Variants in BMPER observed in about 807,000 individuals in gnomAD.
BMPER encodes the protein BMP binding endothelial regulator.
BMPER carries 45 observed loss-of-function variants against 87.3 expected under a neutral mutation model. The ratio of observed to expected loss-of-function variants is 0.52; its 90% CI spans 0.41 to 0.66. The LOEUF (loss-of-function observed/expected upper bound fraction) is 0.66, where lower values mean the gene tolerates loss of function less well. Ranked by LOEUF, BMPER falls within the 30% of genes least tolerant of loss-of-function variation. The pLI, the probability that BMPER is intolerant of heterozygous loss-of-function variation, is 0.00. For synonymous variants in BMPER, 326 were observed against 316.2 expected (o/e 1.03, Z -0.33); for missense variants, 784 against 867.5 (o/e 0.90, Z 1.21).
intron 13 of BMPER, among the ~76,000 whole-genome samples, chr7:34,137,188 CATTAA>C (rs750532521): frequency 9.9e-5 from 15 of 152,074 alleles, no homozygotes; most frequent in Non-Finnish European, 1.0e-4. Flanking sequence ...TTCCACCAGT[CATTAA>C]ATTAAAAAAA....
intron 2 of BMPER, among the ~76,000 whole-genome samples, chr7:33,913,993 G>A (rs1196335986): frequency 2.8e-5 from 4 of 142,280 alleles, no homozygotes; most frequent in East Asian, 4.1e-4. Flanking sequence ...ATGGAGTCTC[G>A]CTCAGTTGCC....
At position 33,941,014 on chromosome 7, in the gene BMPER, ATATTTACATATAAT is replaced by A. The variant is rs1784744966; in HGVS notation, c.319+3628_319+3641del. ...TATTTATATATAATTTATATGTAAT[ATATTTACATATAAT>A]TTATATATTTATATATAATTTATAT... On this transcript the variant is annotated intron_variant, in intron 3 of 14. Coordinates refer to ENST00000649409, the MANE Select transcript of BMPER (RefSeq NM_001365308.1). Among the ~76,000 whole-genome samples, 5 of 135,032 alleles carry A rather than the reference ATATTTACATATAAT, an allele frequency of 3.7e-5. No homozygotes were observed. In the Admixed American group the frequency reaches 4.1e-4, roughly 11 times the overall value. 88.6% of individuals were successfully genotyped at this position (135,032 alleles called of 152,430 possible).
rs145445170 is a variant in BMPER at position 34,149,261 on chromosome 7, T to C, written c.1877-3831T>C. On this transcript the variant is annotated intron_variant, in intron 14 of 14. Coordinates refer to ENST00000649409, the MANE Select transcript of BMPER (RefSeq NM_001365308.1). The stretch of plus-strand genomic sequence containing the variant: ...TAGGGGTGGGCTGAGAAATAAATAT[T>C]TTTTAAAGGCATATCAAGAGACTCT... Among the ~76,000 whole-genome samples, 1,009 of 152,306 alleles carry C rather than the reference T, an allele frequency of 6.6e-3. 8 individuals are homozygous for C. Among genetic ancestry groups the C allele is most frequent in the Non-Finnish European group, 0.011 (768 of 68,018 alleles).
intron 2 of BMPER, among the ~76,000 whole-genome samples, chr7:33,927,629 C>T (rs182765923): frequency 1.1e-4 from 16 of 152,242 alleles, no homozygotes; most frequent in Admixed American, 7.8e-4. Flanking sequence ...TGTCAGGTCT[C>T]GAGCTTTCCT....
At chr7:34,139,640 C>G (rs557523385) in intron 13 of BMPER, among the ~76,000 whole-genome samples, 6 of 152,266 alleles carry the variant, frequency 3.9e-5, no homozygotes, top group African/African-American at 1.4e-4. Context: ...TGGATTTGGT[C>G]GTATCTGTTT....
chr7:33,983,678 T>C (rs1785920923), intron 6 of BMPER, among the ~76,000 whole-genome samples: 1 of 152,214 alleles, frequency 6.6e-6, no homozygotes, highest in African/African-American at 2.4e-5. Context: ...ACTGCCTGAT[T>C]ATAACGCTAC....
rs939508426 is a variant in BMPER, at chr7:33,924,565, G to A, written c.220-12724G>A. 2.0e-5 allele frequency among the ~76,000 whole-genome samples: 3 copies of A among 152,332 alleles called. No homozygotes were observed. The East Asian group carries it at 5.8e-4, about 29-fold the overall frequency. On this transcript the variant is annotated intron_variant, in intron 2 of 14. Coordinates refer to ENST00000649409, the MANE Select transcript of BMPER (RefSeq NM_001365308.1). Reference sequence around the variant, plus strand: ...CCACTGGAGCTTTGCTCTTTCCAGTGCCTGGAGCACACATATCCAATATAT... The same window carrying A: ...CCACTGGAGCTTTGCTCTTTCCAGTACCTGGAGCACACATATCCAATATAT...
intron 12 of BMPER, among the ~76,000 whole-genome samples, chr7:34,084,146 A>G (rs1377608154): frequency 1.3e-5 from 2 of 152,198 alleles, no homozygotes. Context: ...TCTAAAATAC[A>G]AAAGATTAGC....
intron 6 of BMPER, among the ~76,000 whole-genome samples, chr7:34,021,476 C>A (rs1787186127): frequency 6.6e-6 from 1 of 151,966 alleles, no homozygotes; most frequent in Non-Finnish European, 1.5e-5. Context: ...AAGCGAGATA[C>A]TTTGCTTAGT....
intron 13 of BMPER, among the ~76,000 whole-genome samples, chr7:34,100,802 T>G (rs753743964): frequency 3.3e-5 from 5 of 152,318 alleles, no homozygotes; most frequent in Admixed American, 6.5e-5. Flanking sequence ...CATGTTCCTT[T>G]GCAGAATACA....
At chr7:34,011,208 T>C (rs1204844230) in intron 6 of BMPER, among the ~76,000 whole-genome samples, 3 of 151,792 alleles carry the variant, frequency 2.0e-5, no homozygotes, top group Non-Finnish European at 4.4e-5. Flanking sequence ...ATAATGTGCC[T>C]ATTAATCATC....
At chr7:33,933,937 G>GA (rs1366590364) in intron 2 of BMPER, among the ~76,000 whole-genome samples, 2 of 152,058 alleles carry the variant, frequency 1.3e-5, no homozygotes, top group Non-Finnish European at 2.9e-5. Context: ...AATTTTTGGT[G>GA]AAAAAAATGC....
intron 2 of BMPER, among the ~76,000 whole-genome samples, chr7:33,913,567 T>C (rs1386871397): frequency 1.3e-5 from 2 of 152,174 alleles, no homozygotes; most frequent in East Asian, 1.9e-4. Context: ...GATAAACCAA[T>C]GTTGCCCGGT....
chr7:33,973,424 A>C (rs1785599520), intron 5 of BMPER, among the ~76,000 whole-genome samples: 1 of 152,192 alleles, frequency 6.6e-6, no homozygotes, highest in Non-Finnish European at 1.5e-5. Context: ...TAGCATACAG[A>C]TCTTATGCCT....
At chr7:34,096,678 C>T (rs970772013) in intron 13 of BMPER, among the ~76,000 whole-genome samples, 1 of 151,742 alleles carries the variant, frequency 6.6e-6, no homozygotes, top group Non-Finnish European at 1.5e-5. Context: ...GTAGCCGAGA[C>T]CAGATATTCA....
chr7:34,061,970 A>C, intron 10 of BMPER, 32 bp from the exon 11 acceptor site: 3 of 1,491,638 alleles, frequency 2.0e-6, no homozygotes, highest in African/African-American at 1.4e-5. Flanking sequence ...TTTTTTAAAC[A>C]GTAACTTTGT....
At position 34,156,300 on chromosome 7, in the gene BMPER, C is replaced by G. The variant is rs1791299245; in HGVS notation, c.*3027C>G. The stretch of plus-strand genomic sequence containing the variant: ...GAGATATTTCAGACACACAAAAAGG[C>G]ATAGAGAAAAATGTTGCAAACATCC... On this transcript the variant is annotated 3_prime_UTR_variant, in exon 15 of 15. Coordinates refer to ENST00000649409, the MANE Select transcript of BMPER (RefSeq NM_001365308.1). Among the ~76,000 whole-genome samples the G allele has an allele frequency of 1.3e-5, 2 of 152,180 alleles. No individual in the cohort carries two copies. The highest frequency in any genetic ancestry group is 4.8e-5 in the African/African-American group (2 of 41,442).
chr7:33,932,800 CTT>C lies in BMPER; in HGVS notation c.220-4487_220-4486del, dbSNP rs1784513109. 2.0e-5 allele frequency among the ~76,000 whole-genome samples: 3 copies of C among 151,636 alleles called. No individual in the cohort carries two copies. The South Asian group carries it at 6.2e-4, about 31-fold the overall frequency. ...ATAATAGGATTGGTTCTGGAAGAAT[CTT>C]TGAAAAAAAAAATACGTTCAAGACA... On this transcript the variant is annotated intron_variant, in intron 2 of 14. Coordinates refer to ENST00000649409, the MANE Select transcript of BMPER (RefSeq NM_001365308.1).
chr7:33,930,666 G>T (rs1329018064), intron 2 of BMPER, among the ~76,000 whole-genome samples: 1 of 152,176 alleles, frequency 6.6e-6, no homozygotes, highest in Non-Finnish European at 1.5e-5. Context: ...ATCTCACTGG[G>T]TTCAGTGGCT....
Sources: allele counts gnomAD v4.1 joint callset (sites outside exome capture counted in the v4.1 genomes callset), GRCh38; gene constraint gnomAD v4.1.1; transcripts MANE v1.5; gene names NCBI Gene and HGNC (gene_info 2026-07-23, HGNC 2026-07-21).